Variants in SYT17 observed in about 807,000 individuals in gnomAD.
The protein encoded by SYT17 is synaptotagmin-17.
Under a neutral mutation model 46.7 loss-of-function variants are expected in SYT17, and 22 were observed. The observed-to-expected ratio is 0.47, with a 90% CI of 0.34 to 0.67. The LOEUF (loss-of-function observed/expected upper bound fraction) is 0.67. Ranked by LOEUF, SYT17 falls within the 30% of genes least tolerant of loss-of-function variation. The pLI is 0.01. For missense variants in SYT17, 519 were observed against 612.8 expected, an observed-to-expected ratio of 0.85 and a Z score of 1.62; for synonymous variants, 251 against 248.4, an observed-to-expected ratio of 1.01 and a Z score of -0.10.
At chr16:19,189,807 G>C (rs1249628402) in intron 5 of SYT17, among the ~76,000 whole-genome samples, 1 of 152,336 alleles carries the variant, frequency 6.6e-6, no homozygotes, top group Middle Eastern at 3.4e-3. Flanking sequence ...GTGGAGTTGA[G>C]CTAATGCTTA....
intron 3 of SYT17, among the ~76,000 whole-genome samples, chr16:19,177,382 G>GTGCT (rs1964356624): frequency 6.6e-6 from 1 of 152,206 alleles, no homozygotes; most frequent in African/African-American, 2.4e-5. Context: ...ACACTGGGCA[G>GTGCT]TGCTTAATAC....
intron 7 of SYT17, among the ~76,000 whole-genome samples, chr16:19,256,437 AACACACACACACACACAC>A (rs57120408): frequency 1.0e-4 from 13 of 129,030 alleles, no homozygotes; most frequent in Admixed American, 6.7e-4. Context: ...CCCCTCTTCA[AACACACACACACACACAC>A]ACACACACAC....
chr16:19,248,655 T>C (rs1279194353), intron 7 of SYT17, among the ~76,000 whole-genome samples: 1 of 152,084 alleles, frequency 6.6e-6, no homozygotes, highest in African/African-American at 2.4e-5. Flanking sequence ...ACCCCATCTC[T>C]ACTAAAAATA....
At chr16:19,238,979 T>A (rs1017734037) in intron 7 of SYT17, among the ~76,000 whole-genome samples, 1 of 152,198 alleles carries the variant, frequency 6.6e-6, no homozygotes, top group African/African-American at 2.4e-5. Flanking sequence ...TGCTTAACTT[T>A]TAAAATGCCA....
chr16:19,225,754 T>C (rs560623610), intron 7 of SYT17, among the ~76,000 whole-genome samples: 1 of 152,344 alleles, frequency 6.6e-6, no homozygotes, highest in South Asian at 2.1e-4. Context: ...CTTCCTCAAT[T>C]CCTTGCCACA....
chr16:19,219,630 A>G (rs991389272), intron 5 of SYT17, among the ~76,000 whole-genome samples: 18 of 152,152 alleles, frequency 1.2e-4, no homozygotes, highest in Non-Finnish European at 2.4e-4. Context: ...CAATCAAGAT[A>G]TAGCATATTG....
At chr16:19,246,127 G>T (rs1028298125) in intron 7 of SYT17, among the ~76,000 whole-genome samples, 6 of 151,624 alleles carry the variant, frequency 4.0e-5, no homozygotes, top group African/African-American at 1.2e-4. Context: ...AACTAGCTGG[G>T]ATTACAGGCA....
At chr16:19,210,172 T>C (rs1965842473) in intron 5 of SYT17, among the ~76,000 whole-genome samples, 1 of 152,160 alleles carries the variant, frequency 6.6e-6, no homozygotes, top group East Asian at 1.9e-4. Context: ...ATTTAGGGCT[T>C]CTATCATTCT....
Position 19,208,884 on chromosome 16 carries a change from C to CTTTTTTTTTTTTTTTTTTTT in SYT17, c.952-14154_952-14135dup, listed in dbSNP as rs1191498524. ...ATTTAATCACTTCTACAAGGACCTT[C>CTTTTTTTTTTTTTTTTTTTT]TTTTTTTTTTTTTTTTTTTTTTTTT... On this transcript the variant is annotated intron_variant, in intron 5 of 7. Transcript: ENST00000355377. Among the ~76,000 whole-genome samples, 6 of 63,312 alleles carry CTTTTTTTTTTTTTTTTTTTT rather than the reference C, an allele frequency of 9.5e-5. 2 individuals carry two copies. The highest frequency in any genetic ancestry group is 2.1e-4 in the African/African-American group (3 of 14,200). 41.5% of individuals were successfully genotyped at this position (63,312 alleles called of 152,430 possible). A position where few individuals can be genotyped will look rare whatever the true frequency, so the allele number is the denominator to read the frequency against.
At chr16:19,244,401 T>G (rs1967373896) in intron 7 of SYT17, among the ~76,000 whole-genome samples, 1 of 152,120 alleles carries the variant, frequency 6.6e-6, no homozygotes, top group Non-Finnish European at 1.5e-5. Context: ...TGGCACAATC[T>G]TAGCTCACTG....
chr16:19,202,281 A>G (rs1567210229), intron 5 of SYT17, among the ~76,000 whole-genome samples: 2 of 152,180 alleles, frequency 1.3e-5, no homozygotes. Flanking sequence ...CTCAAGTTCA[A>G]TAATTTGCTA....
chr16:19,249,275 A>AAAATAAATAAATAAATAAAT lies in SYT17; in HGVS notation c.1229-17590_1229-17571dup, dbSNP rs71375627. Among the ~76,000 whole-genome samples, 773 of 145,316 alleles carry AAAATAAATAAATAAATAAAT rather than the reference A, an allele frequency of 5.3e-3. 5 individuals carry two copies. Among genetic ancestry groups the AAAATAAATAAATAAATAAAT allele is most frequent in the East Asian group, 8.0e-3 (39 of 4,876 alleles). The stretch of plus-strand genomic sequence containing the variant: ...GGCGACAGAGCGAGACGCCGTCTCA[A>AAAATAAATAAATAAATAAAT]AAATAAATAAATAAATAAATAAATA... On this transcript the variant is annotated intron_variant, in intron 7 of 7. Transcript: ENST00000355377.
intron 5 of SYT17, among the ~76,000 whole-genome samples, chr16:19,193,677 C>A (rs1366972089): frequency 1.3e-5 from 2 of 152,146 alleles, no homozygotes; most frequent in African/African-American, 2.4e-5. Flanking sequence ...CTGAGAAACA[C>A]CAGAAGAGAA....
At chr16:19,248,876 T>G (rs1284695157) in intron 7 of SYT17, among the ~76,000 whole-genome samples, 2 of 151,988 alleles carry the variant, frequency 1.3e-5, no homozygotes, top group Admixed American at 1.3e-4. Context: ...AAGGACATAT[T>G]AGTACACATA....
chr16:19,219,120 A>AACACCCATGTGTCCATCTCCCAGATGTC (rs1174107969), intron 5 of SYT17, among the ~76,000 whole-genome samples: 1 of 63,664 alleles, frequency 1.6e-5, no homozygotes, highest in Non-Finnish European at 3.0e-5. Context: ...TAATAAAACA[A>AACACCCATGTGTCCATCTCCCAGATGTC]GGCCGGGCGC....
rs560817373 is a variant in SYT17, at chr16:19,211,169, C to G, written c.952-11876C>G. ...CCAAATTAAGCGCATCGGGCTCTTA[C>G]AAGAAAGGAAATGAGGCCTGTTTAT... On this transcript the variant is annotated intron_variant, in intron 5 of 7. Coordinates refer to ENST00000355377, the MANE Select transcript of SYT17 (RefSeq NM_016524.4). 7.0e-6 allele frequency: 3 copies of G among 430,246 alleles called. No individual in the cohort carries two copies. The South Asian group carries it at 1.5e-4, about 22-fold the overall frequency. The allele number at this position is 430,246 out of a possible 1,614,324, so 26.7% of individuals were successfully genotyped here. A position where few individuals can be genotyped will look rare whatever the true frequency, so the allele number is the denominator to read the frequency against.
intron 7 of SYT17, among the ~76,000 whole-genome samples, chr16:19,252,506 CAT>C (rs1258160494): frequency 3.7e-4 from 3 of 8,124 alleles, no homozygotes; most frequent in Admixed American, 1.8e-3. Context: ...TATATATATA[CAT>C]ATATATATAC....
intron 5 of SYT17, among the ~76,000 whole-genome samples, chr16:19,219,730 T>A (rs1216153818): frequency 1.3e-5 from 2 of 152,250 alleles, no homozygotes; most frequent in Non-Finnish European, 2.9e-5. Flanking sequence ...CTCATTTATG[T>A]ATTTTTTAAA....
chr16:19,266,530 T>TA (rs1477733751), intron 7 of SYT17, among the ~76,000 whole-genome samples: 18 of 152,212 alleles, frequency 1.2e-4, no homozygotes, highest in Non-Finnish European at 1.2e-4. Context: ...CAGAGCTCTA[T>TA]ATGCAGTGTG....
Sources: allele counts gnomAD v4.1 joint callset (sites outside exome capture counted in the v4.1 genomes callset), GRCh38; gene constraint gnomAD v4.1.1; transcripts MANE v1.5; gene names NCBI Gene and HGNC (gene_info 2026-07-23, HGNC 2026-07-21).